Variants in COL25A1 observed in about 807,000 individuals in gnomAD.
The protein encoded by COL25A1 is collagen type XXV alpha 1 chain, also known as collagen alpha-1(XXV) chain.
COL25A1 carries 103 observed loss-of-function variants against 128.4 expected under a neutral mutation model. The observed-to-expected ratio is 0.80, with a 90% CI of 0.68 to 0.94. COL25A1 has a LOEUF of 0.94. Ranked by LOEUF, COL25A1 falls within the 40% of genes least tolerant of loss-of-function variation. COL25A1 has a pLI of 0.00. For missense variants in COL25A1, 745 were observed against 840.0 expected (o/e 0.89, Z 1.40); for synonymous variants, 279 against 277.2 (o/e 1.01, Z -0.06).
chr4:109,139,642 C>T (rs755053313), intron 3 of COL25A1, among the ~76,000 whole-genome samples: 7 of 151,744 alleles, frequency 4.6e-5, no homozygotes, highest in African/African-American at 7.3e-5. Context: ...AGATGTGTGG[C>T]GTTATTTCCT....
intron 3 of COL25A1, among the ~76,000 whole-genome samples, chr4:109,243,434 ATT>A (rs1292193343): frequency 6.6e-6 from 1 of 150,566 alleles, no homozygotes; most frequent in Non-Finnish European, 1.5e-5. Context: ...CCTAAAAAAA[ATT>A]TTTTTTTTAA....
At chr4:108,896,430 T>C (rs1742154572) in intron 16 of COL25A1, among the ~76,000 whole-genome samples, 1 of 152,242 alleles carries the variant, frequency 6.6e-6, no homozygotes, top group South Asian at 2.1e-4. Flanking sequence ...ACACATTTTC[T>C]ATAATTTTTG....
intron 3 of COL25A1, among the ~76,000 whole-genome samples, chr4:109,292,246 G>T (rs1304802959): frequency 6.6e-6 from 1 of 151,852 alleles, no homozygotes; most frequent in East Asian, 1.9e-4. Flanking sequence ...TCATATTATG[G>T]GGTTTCTCAT....
chr4:109,263,598 C>T (rs1364822822), intron 3 of COL25A1, among the ~76,000 whole-genome samples: 1 of 152,136 alleles, frequency 6.6e-6, no homozygotes, highest in African/African-American at 2.4e-5. Flanking sequence ...CCGTGGAAAA[C>T]TATAGCTCTG....
rs994845339 is a variant in COL25A1, at chr4:108,811,486, G to C, written c.*2441C>G. 6.6e-6 allele frequency: 1 copy of C among 151,990 alleles called. No individual in the cohort carries two copies. The highest frequency in any genetic ancestry group is 1.5e-5 in the Non-Finnish European group (1 of 67,916). 9.4% of individuals were successfully genotyped at this position (151,990 alleles called of 1,614,324 possible). On this transcript the variant is annotated 3_prime_UTR_variant, in exon 38 of 38. Transcript: ENST00000399132. ...TGTTGAGGTATCGTCTCCTGAAGCT[G>C]TGCAAGTTTTAAATAGTGATCCATT...
At chr4:108,965,150 C>A (rs1312902969) in intron 8 of COL25A1, among the ~76,000 whole-genome samples, 1 of 152,132 alleles carries the variant, frequency 6.6e-6, no homozygotes, top group Non-Finnish European at 1.5e-5. Context: ...TCTGTCTTGC[C>A]AAAGATGTTT....
intron 3 of COL25A1, among the ~76,000 whole-genome samples, chr4:109,140,068 A>G (rs1270956510): frequency 1.4e-4 from 22 of 152,242 alleles, no homozygotes; most frequent in Non-Finnish European, 2.4e-4. Flanking sequence ...AATCCAGTCT[A>G]TCATTGTTGG....
At chr4:109,169,529 A>G (rs751872927) in intron 3 of COL25A1, among the ~76,000 whole-genome samples, 1 of 152,166 alleles carries the variant, frequency 6.6e-6, no homozygotes, top group Non-Finnish European at 1.5e-5. Flanking sequence ...AATGCTTTAT[A>G]TAAGTGCTCA....
At chr4:109,211,604 G>GA (rs993139032) in intron 3 of COL25A1, among the ~76,000 whole-genome samples, 28 of 150,306 alleles carry the variant, frequency 1.9e-4, no homozygotes, top group East Asian at 9.8e-4. Context: ...AAGATATTCA[G>GA]AAAAAAAACT....
intron 19 of COL25A1, among the ~76,000 whole-genome samples, chr4:108,871,295 C>T (rs1738672717): frequency 6.6e-6 from 1 of 152,124 alleles, no homozygotes; most frequent in African/African-American, 2.4e-5. Flanking sequence ...ATGATTTTAG[C>T]ACAATTAATA....
chr4:108,941,474 A>G, intron 8 of COL25A1, 37 bp from the exon 9 acceptor site: 1 of 1,484,936 alleles, frequency 6.7e-7, no homozygotes, highest in Non-Finnish European at 9.4e-7. Context: ...TGAAGTTCAG[A>G]GATGAGAGAG....
At chr4:109,255,028 T>C (rs1780988703) in intron 3 of COL25A1, among the ~76,000 whole-genome samples, 1 of 152,336 alleles carries the variant, frequency 6.6e-6, no homozygotes, top group Non-Finnish European at 1.5e-5. Context: ...TTGGAGTCAC[T>C]GGGCAAGGAA....
rs533982190 is a variant in COL25A1, at chr4:109,084,952, C to A, written c.368-34773G>T. Among the ~76,000 whole-genome samples the A allele has an allele frequency of 7.3e-4, 111 of 152,298 alleles. 1 individual carries two copies. Among genetic ancestry groups the A allele is most frequent in the Middle Eastern group, 3.4e-3 (1 of 294 alleles). On this transcript the variant is annotated intron_variant, in intron 3 of 37. Transcript: ENST00000399132. Reference sequence around the variant, plus strand: ...TTTTATCCCTACAATTCCAACAGAGCCCTCTCAAAAGTCACCAATAACTTT... The same window carrying A: ...TTTTATCCCTACAATTCCAACAGAGACCTCTCAAAAGTCACCAATAACTTT...
intron 3 of COL25A1, among the ~76,000 whole-genome samples, chr4:109,117,283 A>G (rs1767686805): frequency 6.6e-6 from 1 of 152,022 alleles, no homozygotes; most frequent in South Asian, 2.1e-4. Context: ...CTATTGAGGA[A>G]CAATCTAAAT....
At chr4:109,288,962 T>TATACACACACACAC (rs1021982305) in intron 3 of COL25A1, among the ~76,000 whole-genome samples, 4 of 133,532 alleles carry the variant, frequency 3.0e-5, no homozygotes, top group African/African-American at 1.1e-4. Flanking sequence ...AAATTATATA[T>TATACACACACACAC]ACACACACAC....
chr4:109,104,149 G>T lies in COL25A1; in HGVS notation c.368-53970C>A, dbSNP rs1023722981. Among the ~76,000 whole-genome samples, 9 of 151,906 alleles carry T rather than the reference G, an allele frequency of 5.9e-5. 1 individual carries two copies. The highest frequency in any genetic ancestry group is 5.2e-4 in the Admixed American group (8 of 15,246). Reference sequence around the variant, plus strand: ...ACACTTTGGGAAGCTGAGGTGGGAGGATCACTTGAGGCCAGGAGTCTGAAA... The same window carrying T: ...ACACTTTGGGAAGCTGAGGTGGGAGTATCACTTGAGGCCAGGAGTCTGAAA... On this transcript the variant is annotated intron_variant, in intron 3 of 37. Coordinates refer to ENST00000399132, the MANE Select transcript of COL25A1 (RefSeq NM_198721.4).
chr4:109,207,406 A>G (rs1019027114), intron 3 of COL25A1, among the ~76,000 whole-genome samples: 2 of 152,062 alleles, frequency 1.3e-5, no homozygotes, highest in Non-Finnish European at 2.9e-5. Context: ...AGCTGGAGTG[A>G]TTTGCAAGAG....
chr4:109,249,211 T>C (rs1426999721), intron 3 of COL25A1, among the ~76,000 whole-genome samples: 2 of 152,192 alleles, frequency 1.3e-5, no homozygotes, highest in African/African-American at 4.8e-5. Context: ...CAGCACTCTA[T>C]TGGGACCTCT....
intron 3 of COL25A1, among the ~76,000 whole-genome samples, chr4:109,254,406 T>A (rs890167292): frequency 6.8e-6 from 1 of 146,094 alleles, no homozygotes; most frequent in African/African-American, 2.5e-5. Flanking sequence ...TATTGAGCAG[T>A]TTCCTGTGGC....
Sources: allele counts gnomAD v4.1 joint callset (sites outside exome capture counted in the v4.1 genomes callset), GRCh38; gene constraint gnomAD v4.1.1; transcripts MANE v1.5; gene names NCBI Gene and HGNC (gene_info 2026-07-23, HGNC 2026-07-21).